Variants in ARHGEF5 observed in about 807,000 individuals in gnomAD.
ARHGEF5 encodes Rho guanine nucleotide exchange factor 5.
In ARHGEF5, 11 loss-of-function variants were observed where a neutral mutation model predicts 104.0. The ratio of observed to expected loss-of-function variants is 0.11; its 90% CI spans 0.07 to 0.18. The LOEUF (loss-of-function observed/expected upper bound fraction) is 0.18, where lower values mean the gene tolerates loss of function less well. Among genes scored for constraint, ARHGEF5 ranks in the 10% least tolerant of loss-of-function variants. The probability of loss-of-function intolerance (pLI) is 1.00; values close to 1 mark genes in which losing one functional copy is unlikely to be tolerated. For synonymous variants in ARHGEF5, 60 were observed against 512.2 expected (o/e 0.12, Z 11.92); for missense variants, 165 against 1,335.4 (o/e 0.12, Z 13.66).
chr7:144,378,015 A>C (rs2053773779), intron 13 of ARHGEF5, among the ~76,000 whole-genome samples: 1 of 152,164 alleles, frequency 6.6e-6, no homozygotes, highest in Non-Finnish European at 1.5e-5. Flanking sequence ...TTTACAAGAG[A>C]ATCAAGGCAG....
rs945157047 is a variant in ARHGEF5 at position 144,378,701 on chromosome 7, C to T, written c.4532-61C>T. ...CTCCCACGCCACCCCCCTCCAAGTC[C>T]CTGTCTGTGTTCCAATCCCCTGCCT... is the stretch of plus-strand genomic sequence containing the variant. On this transcript the variant is annotated intron_variant, in intron 13 of 14. Transcript: ENST00000056217. 16 of 1,452,690 alleles carry T rather than the reference C, an allele frequency of 1.1e-5. No homozygotes were observed. In the Admixed American group the frequency reaches 1.8e-4, roughly 16 times the overall value. The allele number at this position is 1,452,690 out of a possible 1,614,324, so 90.0% of individuals were successfully genotyped here.
rs200239677 is a variant in ARHGEF5, at chr7:144,360,912, A to C, written c.-12-1746A>C. Among the ~76,000 whole-genome samples, 18 of 146,042 alleles carry C rather than the reference A, an allele frequency of 1.2e-4. 1 individual carries two copies. The highest frequency in any genetic ancestry group is 2.5e-4 in the African/African-American group (10 of 39,800). ...ATTATAGTTGGTAAGTGCTACAAAGAGGGGTACAATTTAACCTAGTTAAAA... is the reference window on the plus strand; with the variant it reads ...ATTATAGTTGGTAAGTGCTACAAAGCGGGGTACAATTTAACCTAGTTAAAA... On this transcript the variant is annotated intron_variant, in intron 1 of 14. Coordinates refer to ENST00000056217, the MANE Select transcript of ARHGEF5 (RefSeq NM_005435.4).
At position 144,379,949 on chromosome 7, in the gene ARHGEF5, G is replaced by T; in HGVS notation, c.4687G>T (p.Val1563Leu). Residue 1563 changes from valine to leucine, a missense_variant, in exon 15 of 15, where the codon GTG becomes TTG. By Grantham distance (32) the Val-to-Leu change is conservative. Transcript: ENST00000056217. ...LSDGERGWFP[V>L]QQVEFISNPE... The stretch of plus-strand genomic sequence containing the variant: ...AGACGGGGAGCGAGGCTGGTTTCCT[G>T]TGCAGCAGGTGGAGTTCATTTCCAA... 6.2e-7 allele frequency: 1 copy of T among 1,614,248 alleles called. No homozygotes were observed. The highest frequency in any genetic ancestry group is 8.5e-7 in the Non-Finnish European group (1 of 1,180,052).
chr7:144,379,598 T>C (rs1199475414), intron 14 of ARHGEF5, among the ~76,000 whole-genome samples: 1 of 152,208 alleles, frequency 6.6e-6, no homozygotes, highest in African/African-American at 2.4e-5. Flanking sequence ...TTATTAATTA[T>C]ATTTGTGGCA....
At position 144,365,540 on chromosome 7, in the gene ARHGEF5, A is replaced by AGGGTGTTCT; in HGVS notation, c.2872_2873insGGTGTTCTG (p.Ser957_Glu958insGlyCysSer). On this transcript the variant is annotated inframe_insertion, in exon 2 of 15. Coordinates refer to ENST00000056217, the MANE Select transcript of ARHGEF5 (RefSeq NM_005435.4). ...CCTCTAAGGATGAAGCAGGGGTCTC[A>AGGGTGTTCT]GAACACCCTGAGGCCCCTGCGAGAG... The AGGGTGTTCT allele has an allele frequency of 1.2e-6, 1 of 854,986 alleles. No individual in the cohort carries two copies. Among genetic ancestry groups the AGGGTGTTCT allele is most frequent in the Non-Finnish European group, 1.8e-6 (1 of 567,394 alleles). The allele number at this position is 854,986 out of a possible 1,614,324, so 53.0% of individuals were successfully genotyped here.
intron 1 of ARHGEF5, among the ~76,000 whole-genome samples, chr7:144,358,794 TG>T (rs1563113846): frequency 8.3e-5 from 11 of 133,156 alleles, no homozygotes; most frequent in African/African-American, 3.0e-4. Flanking sequence ...TGTGTGTGTG[TG>T]TGTGTGTACA....
Position 144,380,236 on chromosome 7 carries a change from TG to T in ARHGEF5, c.*187del. 2.1e-5 allele frequency: 15 copies of T among 721,490 alleles called. No individual in the cohort carries two copies. Among genetic ancestry groups the T allele is most frequent in the South Asian group, 4.2e-5 (2 of 47,936 alleles). 44.7% of individuals were successfully genotyped at this position (721,490 alleles called of 1,614,324 possible). On this transcript the variant is annotated 3_prime_UTR_variant, in exon 15 of 15. Transcript: ENST00000056217. ...GCCTCCTTTCGTGCTTTGTGCTTGG[TG>T]GGGGGGATTTCGAGGGACTTTGCAC...
chr7:144,377,966 A>T (rs1308739483), intron 13 of ARHGEF5, among the ~76,000 whole-genome samples: 1 of 152,108 alleles, frequency 6.6e-6, no homozygotes, highest in African/African-American at 2.4e-5. Context: ...GATGGGGAGG[A>T]TCTTGAGAAA....
chr7:144,380,543 A>C lies in ARHGEF5; in HGVS notation c.*487A>C, dbSNP rs1211614975. The C allele has an allele frequency of 1.3e-5, 2 of 154,402 alleles. No homozygotes were observed. The highest frequency in any genetic ancestry group is 2.9e-5 in the Non-Finnish European group (2 of 69,402). 9.6% of individuals were successfully genotyped at this position (154,402 alleles called of 1,614,324 possible). A position where few individuals can be genotyped will look rare whatever the true frequency, so the allele number is the denominator to read the frequency against. On this transcript the variant is annotated 3_prime_UTR_variant, in exon 15 of 15. Transcript: ENST00000056217. ...AGAAATTCACCATAATTATGGTGCA[A>C]GGTCAGTGTGTCTCTGAGATCTATG...
intron 1 of ARHGEF5, among the ~76,000 whole-genome samples, chr7:144,358,543 G>C (rs2053612860): frequency 2.8e-5 from 1 of 35,956 alleles, no homozygotes; most frequent in Non-Finnish European, 5.0e-5. Flanking sequence ...CTAGACATAG[G>C]GAGCCAATCG....
At chr7:144,377,623 C>T (rs1004498817) in intron 13 of ARHGEF5, among the ~76,000 whole-genome samples, 1 of 152,072 alleles carries the variant, frequency 6.6e-6, no homozygotes, top group Non-Finnish European at 1.5e-5. Context: ...CTTCTGGGTG[C>T]CCATGGGGAG....
In ARHGEF5 at chr7:144,377,607, C is replaced by G. The variant is rs368724517; in HGVS notation, c.4531+417C>G. On this transcript the variant is annotated intron_variant, in intron 13 of 14. Transcript: ENST00000056217. ...AAGAGGATGACCTGAGGTCACCTAC[C>G]CCAGGCTTCTGGGTGCCCATGGGGA... Among the ~76,000 whole-genome samples the G allele has an allele frequency of 1.1e-4, 17 of 152,138 alleles. 1 individual carries two copies. The South Asian group carries it at 3.5e-3, about 32-fold the overall frequency.
intron 13 of ARHGEF5, 75 bp from the exon 14 acceptor site, chr7:144,378,687 C>A: frequency 7.9e-7 from 1 of 1,273,432 alleles, no homozygotes; most frequent in Non-Finnish European, 1.1e-6. Context: ...TCCCACGCCA[C>A]CCCCCTCCAA....
intron 13 of ARHGEF5, 133 bp downstream of exon 13, chr7:144,377,323 A>G: frequency 6.7e-7 from 1 of 1,502,704 alleles, no homozygotes; most frequent in Non-Finnish European, 9.0e-7. Context: ...AGGGTGGAAG[A>G]TTGGCCTCTA....
chr7:144,380,194 C>T lies in ARHGEF5; in HGVS notation c.*138C>T, dbSNP rs2053791297. 8.6e-7 allele frequency: 1 copy of T among 1,165,436 alleles called. No individual in the cohort carries two copies. Among genetic ancestry groups the T allele is most frequent in the Non-Finnish European group, 1.2e-6 (1 of 835,404 alleles). 72.2% of individuals were successfully genotyped at this position (1,165,436 alleles called of 1,614,324 possible). A position where few individuals can be genotyped will look rare whatever the true frequency, so the allele number is the denominator to read the frequency against. On this transcript the variant is annotated 3_prime_UTR_variant, in exon 15 of 15. Transcript: ENST00000056217. ...AGCTCAAGGACAAAATCCAGCTAAC[C>T]CAGTCCCTCGGCCCAGGCCTCCTTT...
At chr7:144,357,289 T>C (rs1297913793) in intron 1 of ARHGEF5, among the ~76,000 whole-genome samples, 4 of 113,966 alleles carry the variant, frequency 3.5e-5, no homozygotes, top group African/African-American at 1.3e-4. Flanking sequence ...AATGTTCTTA[T>C]ATAAACTATC....
Position 144,378,767 on chromosome 7 carries a change from C to T in ARHGEF5, c.4537C>T (p.Pro1513Ser), listed in dbSNP as rs1320497038. ...ELDLLECYNS[P>S]QVQCLRAYKP... ...CACACTCTTCTCTTCCAAAGACTCC[C>T]CCCAGGTACAGTGCCTTCGAGCCTA... Residue 1513 changes from proline to serine, a missense_variant, in exon 14 of 15, where the codon CCC becomes TCC. Transcript: ENST00000056217. The T allele has an allele frequency of 6.2e-7, 1 of 1,613,900 alleles. No individual in the cohort carries two copies. Among genetic ancestry groups the T allele is most frequent in the Admixed American group, 1.7e-5 (1 of 60,000 alleles).
chr7:144,379,329 CCTGT>C, intron 14 of ARHGEF5, among the ~76,000 whole-genome samples: 1 of 152,288 alleles, frequency 6.6e-6, no homozygotes, highest in East Asian at 1.9e-4. Context: ...AAGTGATTCT[CCTGT>C]CTCAGTCTCC....
chr7:144,370,807 G>T (rs2053717679), intron 5 of ARHGEF5, among the ~76,000 whole-genome samples: 1 of 141,874 alleles, frequency 7.0e-6, no homozygotes, highest in Non-Finnish European at 1.5e-5. Flanking sequence ...GTATATTAAA[G>T]ATATACAACA....
Sources: allele counts gnomAD v4.1 joint callset (sites outside exome capture counted in the v4.1 genomes callset), GRCh38; gene constraint gnomAD v4.1.1; transcripts MANE v1.5; gene names NCBI Gene and HGNC (gene_info 2026-07-23, HGNC 2026-07-21).